PARP12: variants seen among roughly 807,000 people sequenced by gnomAD.
PARP12 encodes poly(ADP-ribose) polymerase family member 12, also known as protein mono-ADP-ribosyltransferase PARP12.
Under a neutral mutation model 72.4 loss-of-function variants are expected in PARP12, and 59 were observed. That is an observed-to-expected ratio of 0.81 (90% CI 0.66 to 1.01). The LOEUF is 1.01. PARP12 is among the 50% of genes least tolerant of loss of function. The pLI, the probability that PARP12 is intolerant of heterozygous loss-of-function variation, is 0.00. For missense variants in PARP12, 851 were observed against 914.0 expected, an observed-to-expected ratio of 0.93 and a Z score of 0.89; for synonymous variants, 403 against 371.4, an observed-to-expected ratio of 1.09 and a Z score of -0.98.
chr7:140,033,392 T>C (rs1175051048), intron 8 of PARP12: 3 of 985,166 alleles, frequency 3.0e-6, no homozygotes, highest in Admixed American at 1.2e-4. Context: ...CTCCATAAAA[T>C]AGACACAAGC....
intron 6 of PARP12, among the ~76,000 whole-genome samples, chr7:140,040,568 T>C (rs747262466): frequency 6.6e-6 from 1 of 152,136 alleles, no homozygotes; most frequent in Non-Finnish European, 1.5e-5. Flanking sequence ...ACACACGGGA[T>C]ACGATGGGGC....
At position 140,024,774 on chromosome 7, in the gene PARP12, T is replaced by C. The variant is rs919218045; in HGVS notation, c.1892A>G (p.Asn631Ser). The change falls in exon 12 of 12, where the codon AAT (asparagine) becomes AGT (serine). Residue 631 changes from asparagine to serine, a missense_variant. Asn to Ser is a conservative substitution (Grantham distance 46). Transcript: ENST00000263549. ...GGCCGGCGGACGGACAAAGGAGGCA[T>C]TGCCCCTGACGAACTCGCCCACCAG... ...RVLVGEFVRG[N>S]ASFVRPPAKE... 7 of 1,614,040 alleles carry C rather than the reference T, an allele frequency of 4.3e-6. No homozygotes were observed. Among genetic ancestry groups the C allele is most frequent in the East Asian group, 2.2e-5 (1 of 44,880 alleles).
In PARP12 at chr7:140,024,568, G is replaced by A. The variant is rs140064898; in HGVS notation, c.2098C>T (p.Arg700Ter). ...GGAACACTCCTGTGCGCTCACTGTC[G>A]GCTGCTGAACAGGGAGCCCAAGGCC... ...LLALGSLFSS[R>*]Q Residue 700 changes from arginine to a stop codon, truncating the protein, a stop_gained, in exon 12 of 12, where the codon CGA (arginine) becomes TGA (stop). Coordinates refer to ENST00000263549, the MANE Select transcript of PARP12 (RefSeq NM_022750.4). LOFTEE classifies it high-confidence loss of function. 8 of 1,614,144 alleles carry A rather than the reference G, an allele frequency of 5.0e-6. No individual in the cohort carries two copies. Among genetic ancestry groups the A allele is most frequent in the East Asian group, 2.2e-5 (1 of 44,890 alleles).
At chr7:140,059,361 TAC>T (rs36173318) in intron 1 of PARP12, among the ~76,000 whole-genome samples, 36,986 of 147,880 alleles carry the variant, frequency 0.25, 5,091 homozygotes, top group East Asian at 0.56. Flanking sequence ...CAGGCGTGTA[TAC>T]ACACACACAC....
At chr7:140,025,187 C>T in intron 11 of PARP12, 1 of 388,174 alleles carries the variant, frequency 2.6e-6, no homozygotes, top group South Asian at 2.7e-5. Context: ...CTACTTAATC[C>T]CCCAAACCTC....
In PARP12 at chr7:140,024,802, C is replaced by G; in HGVS notation, c.1864G>C (p.Val622Leu). Residue 622 changes from valine to leucine, a missense_variant, in exon 12 of 12, where the codon GTG becomes CTG. Physicochemically the swap from Val to Leu is conservative, Grantham distance 32. Around this residue, in one of 3 missense-constraint regions of PARP12, gnomAD observed 347 missense variants for 396.1 expected, o/e 0.88. Coordinates refer to ENST00000263549, the MANE Select transcript of PARP12 (RefSeq NM_022750.4). Reference protein sequence around the residue: ...TQTHTMFLARVLVGEFVRGNA... With the variant: ...TQTHTMFLARLLVGEFVRGNA... ...CCCCTGACGAACTCGCCCACCAGCACCCGGGCCAGGAACATCGTGTGGGTC... is the reference window on the plus strand; with the variant it reads ...CCCCTGACGAACTCGCCCACCAGCAGCCGGGCCAGGAACATCGTGTGGGTC... The G allele has an allele frequency of 6.2e-7, 1 of 1,614,172 alleles. No homozygotes were observed. Among genetic ancestry groups the G allele is most frequent in the Non-Finnish European group, 8.5e-7 (1 of 1,180,022 alleles).
At chr7:140,046,742 G>C in intron 5 of PARP12, 142 bp downstream of exon 5, 2 of 846,514 alleles carry the variant, frequency 2.4e-6, no homozygotes, top group Non-Finnish European at 3.7e-6. Context: ...GTGTGTGTGT[G>C]TGTGTGTGTG....
At chr7:140,057,487 TC>T in intron 2 of PARP12, 1 of 381,110 alleles carries the variant, frequency 2.6e-6, no homozygotes. Context: ...CCTATACTCT[TC>T]CCACACTGAC....
intron 4 of PARP12, among the ~76,000 whole-genome samples, chr7:140,054,300 G>A (rs182762706): frequency 6.6e-6 from 1 of 152,202 alleles, no homozygotes; most frequent in Admixed American, 6.5e-5. Context: ...GTTTCTAAGG[G>A]AGCTCTCAGC....
chr7:140,057,037 A>T lies in PARP12; in HGVS notation c.579T>A (p.Thr193=). ...AGAAATCATGGGATCTCTTACAGCT[A>T]GTGCCAAACTTGCATTCCCCCTGTA... The part of the protein sequence containing the change: ...YFLQGECKFG[T]SCKRSHDFSN... Residue 193 remains threonine, a synonymous_variant, in exon 3 of 12, where the codon ACT becomes ACA. Coordinates refer to ENST00000263549, the MANE Select transcript of PARP12 (RefSeq NM_022750.4). The T allele has an allele frequency of 6.2e-7, 1 of 1,614,270 alleles. No homozygotes were observed. Among genetic ancestry groups the T allele is most frequent in the South Asian group, 1.1e-5 (1 of 91,086 alleles).
chr7:140,055,300 CCAAGA>C (rs1056359361), intron 3 of PARP12, among the ~76,000 whole-genome samples: 14 of 152,062 alleles, frequency 9.2e-5, no homozygotes, highest in African/African-American at 3.1e-4. Context: ...GGTACTAATA[CCAAGA>C]CAAGAGTAAT....
At chr7:140,049,467 T>C (rs924070575) in intron 4 of PARP12, among the ~76,000 whole-genome samples, 54 of 152,146 alleles carry the variant, frequency 3.5e-4, no homozygotes, top group African/African-American at 1.0e-3. Context: ...TGAAAGGCAT[T>C]AGAGGAAATG....
intron 8 of PARP12, among the ~76,000 whole-genome samples, chr7:140,029,562 AG>A (rs1273263509): frequency 6.6e-6 from 1 of 152,254 alleles, no homozygotes; most frequent in Non-Finnish European, 1.5e-5. Context: ...AGCAAGAATC[AG>A]CCAAAAACAG....
intron 1 of PARP12, among the ~76,000 whole-genome samples, chr7:140,060,173 A>G (rs1004728264): frequency 2.6e-5 from 4 of 152,190 alleles, no homozygotes; most frequent in African/African-American, 9.7e-5. Flanking sequence ...AGATGAGGGA[A>G]CTGAGACCTG....
At chr7:140,033,278 C>T (rs1411455352) in intron 8 of PARP12, 1 of 985,308 alleles carries the variant, frequency 1.0e-6, no homozygotes, top group Non-Finnish European at 1.2e-6. Flanking sequence ...AAGGCAGTTT[C>T]GTGGACTGAT....
In PARP12 at chr7:140,046,799, A is replaced by AGTGTGTGTGTGTGTGTGTGT. The variant is rs3216987; in HGVS notation, c.986+65_986+84dup. 380 of 868,826 alleles carry AGTGTGTGTGTGTGTGTGTGT rather than the reference A, an allele frequency of 4.4e-4. 5 individuals carry two copies. The highest frequency in any genetic ancestry group is 1.3e-3 in the African/African-American group (54 of 41,374). The allele number at this position is 868,826 out of a possible 1,614,324, so 53.8% of individuals were successfully genotyped here. A position where few individuals can be genotyped will look rare whatever the true frequency, so the allele number is the denominator to read the frequency against. On this transcript the variant is annotated intron_variant, in intron 5 of 11. Transcript: ENST00000263549. ...GGCACCTCCAGACTAGGCTGCTCAC[A>AGTGTGTGTGTGTGTGTGTGT]GTGTGTGTGTGTGTGTGTGTGTGTG...
chr7:140,032,158 A>C (rs1815962755), intron 8 of PARP12, among the ~76,000 whole-genome samples: 1 of 152,144 alleles, frequency 6.6e-6, no homozygotes, highest in African/African-American at 2.4e-5. Flanking sequence ...CCTAAGAGAG[A>C]GCAAACTGAA....
At chr7:140,047,882 C>T (rs1002989779) in intron 4 of PARP12, among the ~76,000 whole-genome samples, 1 of 152,176 alleles carries the variant, frequency 6.6e-6, no homozygotes, top group Non-Finnish European at 1.5e-5. Context: ...TCCCAAAGTG[C>T]TGGGATTACA....
At chr7:140,034,529 G>A (rs1243768454) in intron 7 of PARP12, 198 bp from the exon 8 acceptor site, 2 of 405,590 alleles carry the variant, frequency 4.9e-6, no homozygotes, top group Non-Finnish European at 9.1e-6. Flanking sequence ...TAGGAGACTG[G>A]GTTTAATGAA....
Sources: allele counts gnomAD v4.1 joint callset (sites outside exome capture counted in the v4.1 genomes callset), GRCh38; gene constraint gnomAD v4.1.1; regional missense constraint gnomAD v4.1.1; transcripts MANE v1.5; gene names NCBI Gene and HGNC (gene_info 2026-07-23, HGNC 2026-07-21).